Variants in SGIP1 observed in about 807,000 individuals in gnomAD.
The protein encoded by SGIP1 is SH3-containing GRB2-like protein 3-interacting protein 1.
SGIP1 carries 38 observed loss-of-function variants against 107.5 expected under a neutral mutation model. The observed-to-expected ratio is 0.35, with a 90% CI of 0.27 to 0.46. SGIP1 has a LOEUF of 0.46. Ranked by LOEUF, SGIP1 falls within the 20% of genes least tolerant of loss-of-function variation. The pLI is 1.00. For missense variants in SGIP1, 929 were observed against 1,019.5 expected, an observed-to-expected ratio of 0.91 and a Z score of 1.21; for synonymous variants, 365 against 366.1, an observed-to-expected ratio of 1.00 and a Z score of 0.03.
chr1:66,558,021 G>A (rs2058430803), intron 1 of SGIP1, among the ~76,000 whole-genome samples: 1 of 152,074 alleles, frequency 6.6e-6, no homozygotes, highest in African/African-American at 2.4e-5. Flanking sequence ...TAAAAAACTT[G>A]CTTCCAGGAA....
chr1:66,617,031 G>A (rs1221915573), intron 1 of SGIP1, among the ~76,000 whole-genome samples: 4 of 152,152 alleles, frequency 2.6e-5, no homozygotes, highest in Non-Finnish European at 5.9e-5. Context: ...CTTGTAAAGA[G>A]GTTTTGTGCA....
At chr1:66,611,898 T>C (rs771679232) in intron 1 of SGIP1, among the ~76,000 whole-genome samples, 36 of 152,192 alleles carry the variant, frequency 2.4e-4, no homozygotes, top group Admixed American at 8.5e-4. Context: ...ATGTGAACAC[T>C]AGATTGTCTT....
At chr1:66,654,425 C>G (rs541639886) in intron 7 of SGIP1, among the ~76,000 whole-genome samples, 2 of 152,136 alleles carry the variant, frequency 1.3e-5, no homozygotes, top group South Asian at 4.1e-4. Context: ...ATTTAGTTGT[C>G]TTCAACCTTG....
intron 6 of SGIP1, among the ~76,000 whole-genome samples, 161 bp from the exon 7 acceptor site, chr1:66,643,383 G>A (rs1284394886): frequency 1.3e-5 from 2 of 152,150 alleles, no homozygotes; most frequent in African/African-American, 4.8e-5. Context: ...CTGAGGAAAG[G>A]TGAATAAATT....
intron 1 of SGIP1, among the ~76,000 whole-genome samples, chr1:66,579,336 A>T (rs1057026369): frequency 2.6e-5 from 4 of 152,190 alleles, no homozygotes; most frequent in Admixed American, 6.5e-5. Context: ...GGTTGAGATG[A>T]TAGGCATAAG....
chr1:66,706,347 A>G (rs1572067561), intron 18 of SGIP1, among the ~76,000 whole-genome samples: 1 of 129,610 alleles, frequency 7.7e-6, no homozygotes, highest in Non-Finnish European at 1.6e-5. Context: ...TGTAAAATAT[A>G]AATAAATATT....
At position 66,591,775 on chromosome 1, in the gene SGIP1, G is replaced by A. The variant is rs149500269; in HGVS notation, c.11-34072G>A. Among the ~76,000 whole-genome samples, 18 of 152,302 alleles carry A rather than the reference G, an allele frequency of 1.2e-4. No individual in the cohort carries two copies. In the East Asian group the frequency reaches 3.5e-3, roughly 29 times the overall value. ...TCACTATCTCTACCATTTAGGTGAG[G>A]GTGATGTGGCAGGACTATAGGGTAA... On this transcript the variant is annotated intron_variant, in intron 1 of 24. Transcript: ENST00000371037.
At chr1:66,584,258 G>C (rs2062228458) in intron 1 of SGIP1, among the ~76,000 whole-genome samples, 1 of 152,042 alleles carries the variant, frequency 6.6e-6, no homozygotes, top group Non-Finnish European at 1.5e-5. Flanking sequence ...CTGAATGTTA[G>C]TAAGCATCAG....
chr1:66,708,095 G>T (rs922687181), intron 18 of SGIP1, among the ~76,000 whole-genome samples: 3 of 152,010 alleles, frequency 2.0e-5, no homozygotes, highest in African/African-American at 7.2e-5. Flanking sequence ...CACAGGGTAG[G>T]GTTTAAGAAT....
At chr1:66,551,366 C>T (rs1286542178) in intron 1 of SGIP1, among the ~76,000 whole-genome samples, 5 of 152,072 alleles carry the variant, frequency 3.3e-5, no homozygotes, top group South Asian at 4.1e-4. Flanking sequence ...ATCTATTGGG[C>T]GCATCTCCTA....
intron 7 of SGIP1, among the ~76,000 whole-genome samples, chr1:66,659,008 C>T (rs1305609187): frequency 6.6e-6 from 1 of 152,102 alleles, no homozygotes; most frequent in Non-Finnish European, 1.5e-5. Context: ...CAGGAGAGTG[C>T]AGCGAAGTGC....
intron 1 of SGIP1, among the ~76,000 whole-genome samples, chr1:66,541,152 C>A (rs1294310744): frequency 6.6e-6 from 1 of 152,242 alleles, no homozygotes; most frequent in African/African-American, 2.4e-5. Context: ...TTTATGGCAA[C>A]CCTCTTCTGC....
chr1:66,703,540 C>T (rs1049621356), intron 18 of SGIP1, among the ~76,000 whole-genome samples: 5 of 151,342 alleles, frequency 3.3e-5, no homozygotes, highest in African/African-American at 1.2e-4. Flanking sequence ...CACACACACA[C>T]ACATATAGAG....
chr1:66,652,309 A>G (rs1045242299), intron 7 of SGIP1, among the ~76,000 whole-genome samples: 2 of 152,152 alleles, frequency 1.3e-5, no homozygotes, highest in Non-Finnish European at 1.5e-5. Context: ...CCTTAAGTTC[A>G]GAGACTTGTA....
rs560028775 is a variant in SGIP1, at chr1:66,673,065, G to A, written c.561-216G>A. ...CCTCAGCTCTCCATTGAGAACTAAG[G>A]ATCTCACCTTCTACCAATTCTTTTG... On this transcript the variant is annotated intron_variant, in intron 11 of 24. Transcript: ENST00000371037. Among the ~76,000 whole-genome samples, 3 of 152,112 alleles carry A rather than the reference G, an allele frequency of 2.0e-5. No homozygotes were observed. In the East Asian group the frequency reaches 5.8e-4, roughly 29 times the overall value.
intron 1 of SGIP1, among the ~76,000 whole-genome samples, chr1:66,589,521 C>T (rs1218159017): frequency 2.6e-5 from 4 of 151,856 alleles, no homozygotes; most frequent in African/African-American, 9.7e-5. Context: ...AATGGATTTT[C>T]CCAGGGGCTC....
chr1:66,667,290 T>C (rs1449427234), intron 8 of SGIP1, among the ~76,000 whole-genome samples: 1 of 152,244 alleles, frequency 6.6e-6, no homozygotes, highest in Non-Finnish European at 1.5e-5. Flanking sequence ...AACTAAAACT[T>C]ACATACCCAC....
chr1:66,602,515 A>G (rs1204044774), intron 1 of SGIP1, among the ~76,000 whole-genome samples: 1 of 152,138 alleles, frequency 6.6e-6, no homozygotes, highest in African/African-American at 2.4e-5. Flanking sequence ...CATGATTGTT[A>G]TGGAGAACAA....
In SGIP1 at chr1:66,675,537, C is replaced by CTTTTTTTTTTTTTTTTTTTTTTT. The variant is rs141370211; in HGVS notation, c.647-1464_647-1463insTTTTTTTTTTTTTTTTTTTTTTT. Among the ~76,000 whole-genome samples the CTTTTTTTTTTTTTTTTTTTTTTT allele has an allele frequency of 5.5e-4, 60 of 109,216 alleles. 13 individuals carry two copies. Among genetic ancestry groups the CTTTTTTTTTTTTTTTTTTTTTTT allele is most frequent in the African/African-American group, 1.9e-3 (46 of 24,256 alleles). 71.6% of individuals were successfully genotyped at this position (109,216 alleles called of 152,430 possible). Reference sequence around the variant, plus strand: ...TTTCGTTGTTTTTCTTTTTCTTTTTCTTTCTTTTTTTTTTTTTTTTTTGAC... The same window carrying CTTTTTTTTTTTTTTTTTTTTTTT: ...TTTCGTTGTTTTTCTTTTTCTTTTTCTTTTTTTTTTTTTTTTTTTTTTTTTTCTTTTTTTTTTTTTTTTTTGAC... On this transcript the variant is annotated intron_variant, in intron 12 of 24. Transcript: ENST00000371037.
Sources: allele counts gnomAD v4.1 joint callset (sites outside exome capture counted in the v4.1 genomes callset), GRCh38; gene constraint gnomAD v4.1.1; transcripts MANE v1.5; gene names NCBI Gene and HGNC (gene_info 2026-07-23, HGNC 2026-07-21).